MARCHF8: variants seen among roughly 807,000 people sequenced by gnomAD.
The protein encoded by MARCHF8 is membrane associated ring-CH-type finger 8.
A neutral mutation model predicts 51.6 loss-of-function variants in MARCHF8; 40 were observed. That is an observed-to-expected ratio of 0.77 (90% confidence interval 0.60 to 1.01). MARCHF8 has a LOEUF of 1.01. Ranked by LOEUF, MARCHF8 falls within the 50% of genes least tolerant of loss-of-function variation. The probability of loss-of-function intolerance (pLI) is 0.00; values close to 1 mark genes in which losing one functional copy is unlikely to be tolerated. For missense variants in MARCHF8, 685 were observed against 708.6 expected (o/e 0.97, Z 0.38); for synonymous variants, 263 against 280.3 (o/e 0.94, Z 0.62).
chr10:45,552,388 A>G (rs539262892), intron 1 of MARCHF8, among the ~76,000 whole-genome samples: 1 of 152,286 alleles, frequency 6.6e-6, no homozygotes, highest in Non-Finnish European at 1.5e-5. Flanking sequence ...CTCCACCTAG[A>G]AAACATCTTT....
chr10:45,546,827 C>T (rs937092341), intron 1 of MARCHF8, among the ~76,000 whole-genome samples: 1 of 151,084 alleles, frequency 6.6e-6, no homozygotes, highest in African/African-American at 2.4e-5. Flanking sequence ...TATGCAATTA[C>T]CAATAGTGAA....
chr10:45,512,602 G>C, intron 2 of MARCHF8, among the ~76,000 whole-genome samples: 1 of 145,760 alleles, frequency 6.9e-6, no homozygotes, highest in Non-Finnish European at 1.5e-5. Flanking sequence ...GAGGGAGGTG[G>C]GGGGGTCAGC....
chr10:45,494,775 T>C (rs2043141788), intron 2 of MARCHF8, among the ~76,000 whole-genome samples: 1 of 152,186 alleles, frequency 6.6e-6, no homozygotes, highest in East Asian at 1.9e-4. Flanking sequence ...ATGAAGAAGA[T>C]AGTTACTAGA....
intron 3 of MARCHF8, 58 bp from the exon 4 acceptor site, chr10:45,464,385 T>C: frequency 7.1e-7 from 1 of 1,407,074 alleles, no homozygotes; most frequent in African/African-American, 1.4e-5. Context: ...TTGTGTGCAC[T>C]GTCTCCTGAA....
chr10:45,583,339 T>C (rs2044576636), intron 1 of MARCHF8, among the ~76,000 whole-genome samples: 1 of 152,158 alleles, frequency 6.6e-6, no homozygotes, highest in South Asian at 2.1e-4. Context: ...TTAAATCTCC[T>C]TTGACCAGGC....
At chr10:45,461,526 G>T in intron 5 of MARCHF8, 115 bp from the exon 6 acceptor site, 2 of 792,422 alleles carry the variant, frequency 2.5e-6, no homozygotes, top group African/African-American at 1.8e-5. Context: ...TTACAGAAGT[G>T]ACTATGGGCA....
Position 45,456,432 on chromosome 10 carries a change from G to C in MARCHF8, c.*1807C>G, listed in dbSNP as rs1284701858. On this transcript the variant is annotated 3_prime_UTR_variant, in exon 8 of 8. Transcript: ENST00000453424. Reference sequence around the variant, plus strand: ...TAAGACCTGTGTTGCCAAGGAATCAGACACTGGCTTGGAGGAGACAGGAGG... The same window carrying C: ...TAAGACCTGTGTTGCCAAGGAATCACACACTGGCTTGGAGGAGACAGGAGG... 5.3e-5 allele frequency: 8 copies of C among 152,346 alleles called. No homozygotes were observed. Among genetic ancestry groups the C allele is most frequent in the Admixed American group, 5.2e-4 (8 of 15,288 alleles). The allele number at this position is 152,346 out of a possible 1,614,324, so 9.4% of individuals were successfully genotyped here.
rs776059174 is a variant in MARCHF8 at position 45,455,678 on chromosome 10, T to G, written c.*2561A>C. On this transcript the variant is annotated 3_prime_UTR_variant, in exon 8 of 8. Coordinates refer to ENST00000453424, the MANE Select transcript of MARCHF8 (RefSeq NM_001282866.2). ...AGTACCACATCCCCACCAGGCTTCATGCTTCACTGCTAGATGCAGGGGGCT... is the reference window on the plus strand; with the variant it reads ...AGTACCACATCCCCACCAGGCTTCAGGCTTCACTGCTAGATGCAGGGGGCT... The G allele has an allele frequency of 6.6e-6, 1 of 152,240 alleles. No homozygotes were observed. The highest frequency in any genetic ancestry group is 1.9e-4 in the East Asian group (1 of 5,188). The allele number at this position is 152,240 out of a possible 1,614,324, so 9.4% of individuals were successfully genotyped here. A position where few individuals can be genotyped will look rare whatever the true frequency, so the allele number is the denominator to read the frequency against.
At chr10:45,485,220 T>C (rs944286416) in intron 3 of MARCHF8, among the ~76,000 whole-genome samples, 2 of 152,074 alleles carry the variant, frequency 1.3e-5, no homozygotes, top group African/African-American at 2.4e-5. Flanking sequence ...CTCATGAAGG[T>C]TACATGTGGG....
chr10:45,455,335 T>C lies in MARCHF8; in HGVS notation c.*2904A>G, dbSNP rs991334554. 7 of 152,230 alleles carry C rather than the reference T, an allele frequency of 4.6e-5. No individual in the cohort carries two copies. The highest frequency in any genetic ancestry group is 2.1e-4 in the South Asian group (1 of 4,834). 9.4% of individuals were successfully genotyped at this position (152,230 alleles called of 1,614,324 possible). ...AATAAACTTGGGCACAAAGACCAAA[T>C]TGCTGAGGCCAGAAGCCTGCTTATG... On this transcript the variant is annotated 3_prime_UTR_variant, in exon 8 of 8. Transcript: ENST00000453424.
chr10:45,468,568 T>C (rs769615079), intron 3 of MARCHF8, among the ~76,000 whole-genome samples: 3 of 152,198 alleles, frequency 2.0e-5, no homozygotes, highest in Non-Finnish European at 4.4e-5. Context: ...ACAGGAATGA[T>C]CTGTTTGAGT....
intron 2 of MARCHF8, among the ~76,000 whole-genome samples, chr10:45,513,022 G>A (rs929551454): frequency 6.6e-6 from 1 of 151,178 alleles, no homozygotes; most frequent in Non-Finnish European, 1.5e-5. Context: ...GATGCTTGAA[G>A]GCAGCATGCT....
intron 2 of MARCHF8, among the ~76,000 whole-genome samples, chr10:45,494,249 T>C (rs924769833): frequency 6.6e-6 from 1 of 152,202 alleles, no homozygotes; most frequent in African/African-American, 2.4e-5. Flanking sequence ...AGAATGTACT[T>C]GTGGGTAGAG....
At position 45,461,301 on chromosome 10, in the gene MARCHF8, G is replaced by C. The variant is rs746522802; in HGVS notation, c.1199C>G (p.Ser400Cys). The C allele has an allele frequency of 6.2e-7, 1 of 1,605,408 alleles. No homozygotes were observed. The highest frequency in any genetic ancestry group is 8.5e-7 in the Non-Finnish European group (1 of 1,176,406). ...QACLQQWIKS[S>C]DTRCCELCKY... Reference sequence around the variant, plus strand: ...GCAGAGCTCGCAGCAGCGCGTGTCGGAGCTCTTGATCCACTGCTGCAGGCA... The same window carrying C: ...GCAGAGCTCGCAGCAGCGCGTGTCGCAGCTCTTGATCCACTGCTGCAGGCA... The change falls in exon 6 of 8, where the codon TCC becomes TGC. Residue 400 changes from serine (S) to cysteine (C), a missense_variant. Coordinates refer to ENST00000453424, the MANE Select transcript of MARCHF8 (RefSeq NM_001282866.2).
At chr10:45,502,595 T>C (rs1052772212) in intron 2 of MARCHF8, among the ~76,000 whole-genome samples, 1 of 152,180 alleles carries the variant, frequency 6.6e-6, no homozygotes, top group South Asian at 2.1e-4. Flanking sequence ...CAAATGACTG[T>C]GTCTTGCTCA....
chr10:45,554,060 G>A lies in MARCHF8; in HGVS notation c.-78-20771C>T, dbSNP rs75158965. 7.3e-4 allele frequency among the ~76,000 whole-genome samples: 111 copies of A among 152,208 alleles called. 2 individuals are homozygous for A. In the East Asian group the frequency reaches 0.021, roughly 29 times the overall value. On this transcript the variant is annotated intron_variant, in intron 1 of 6. Coordinates refer to the MARCHF8 transcript ENST00000319836. ...GACCCTAAATATTTGTTGAATTGGTGGTATAATCATGCAAAAAGGAATTAT... is the reference window on the plus strand; with the variant it reads ...GACCCTAAATATTTGTTGAATTGGTAGTATAATCATGCAAAAAGGAATTAT...
At chr10:45,593,225 T>C (rs147732072) in intron 1 of MARCHF8, among the ~76,000 whole-genome samples, 85 of 152,204 alleles carry the variant, frequency 5.6e-4, no homozygotes, top group Admixed American at 1.5e-3. Context: ...TAAAAGAGTA[T>C]GGTTTCCCTC....
At chr10:45,483,314 A>G (rs1208753239) in intron 3 of MARCHF8, among the ~76,000 whole-genome samples, 1 of 152,210 alleles carries the variant, frequency 6.6e-6, no homozygotes, top group Non-Finnish European at 1.5e-5. Context: ...TCCCATTAAA[A>G]AGTGGGCAAA....
chr10:45,482,458 TA>T (rs2042904911), intron 3 of MARCHF8, among the ~76,000 whole-genome samples: 1 of 152,146 alleles, frequency 6.6e-6, no homozygotes, highest in African/African-American at 2.4e-5. Flanking sequence ...GGTGTTGTTA[TA>T]AAAACAGATA....
Sources: allele counts gnomAD v4.1 joint callset (sites outside exome capture counted in the v4.1 genomes callset), GRCh38; gene constraint gnomAD v4.1.1; transcripts MANE v1.5; gene names NCBI Gene and HGNC (gene_info 2026-07-23, HGNC 2026-07-21).